LDB2: variants seen among roughly 807,000 people sequenced by gnomAD.
LDB2 encodes LIM domain-binding protein 2.
In LDB2, 12 loss-of-function variants were observed where a neutral mutation model predicts 44.3. That is an observed-to-expected ratio of 0.27 (90% CI 0.17 to 0.44). The LOEUF (loss-of-function observed/expected upper bound fraction) is 0.44. LDB2 is among the 20% of genes least tolerant of loss of function. The pLI is 1.00. For synonymous variants in LDB2, 164 were observed against 174.8 expected (o/e 0.94, Z 0.49); for missense variants, 344 against 473.5 (o/e 0.73, Z 2.54).
At chr4:16,805,196 T>C (rs891273804) in intron 1 of LDB2, among the ~76,000 whole-genome samples, 4 of 152,098 alleles carry the variant, frequency 2.6e-5, no homozygotes, top group African/African-American at 9.7e-5. Flanking sequence ...CCTAATTACC[T>C]CCCAGAGTCC....
chr4:16,825,264 T>C (rs933686936), intron 1 of LDB2, among the ~76,000 whole-genome samples: 15 of 152,192 alleles, frequency 9.9e-5, no homozygotes, highest in African/African-American at 3.6e-4. Context: ...TCTAAATCTA[T>C]AGGCCATTTA....
chr4:16,505,746 G>A, intron 7 of LDB2: 1 of 1,314,226 alleles, frequency 7.6e-7, no homozygotes, highest in East Asian at 2.6e-5. Context: ...TCCCCACAAG[G>A]CCAACTTCTG....
At chr4:16,825,250 T>C (rs371260843) in intron 1 of LDB2, among the ~76,000 whole-genome samples, 6 of 152,304 alleles carry the variant, frequency 3.9e-5, no homozygotes, top group African/African-American at 1.4e-4. Flanking sequence ...GAATCCTCAG[T>C]GTGTCTAAAT....
chr4:16,719,291 A>G (rs1757729070), intron 2 of LDB2, among the ~76,000 whole-genome samples: 1 of 152,120 alleles, frequency 6.6e-6, no homozygotes, highest in South Asian at 2.1e-4. Flanking sequence ...ATAACCAACT[A>G]TAGAGAGATT....
At chr4:16,727,745 C>A (rs1282726638) in intron 2 of LDB2, among the ~76,000 whole-genome samples, 1 of 152,160 alleles carries the variant, frequency 6.6e-6, no homozygotes, top group Non-Finnish European at 1.5e-5. Context: ...ACCATTAAAA[C>A]CTCTAATTTC....
In LDB2 at chr4:16,680,378, G is replaced by C. The variant is rs184296328; in HGVS notation, c.235+78780C>G. On this transcript the variant is annotated intron_variant, in intron 2 of 7. Transcript: ENST00000304523. ...CACCATCTGCTTCAGCCTGCTCTTT[G>C]TTTTACCAACTGCATCTCAAGACCA... 3.1e-3 allele frequency among the ~76,000 whole-genome samples: 474 copies of C among 152,262 alleles called. 3 individuals are homozygous for C. Among genetic ancestry groups the C allele is most frequent in the African/African-American group, 0.011 (454 of 41,554 alleles).
At chr4:16,558,604 G>A (rs930484136) in intron 5 of LDB2, among the ~76,000 whole-genome samples, 10 of 152,298 alleles carry the variant, frequency 6.6e-5, no homozygotes, top group South Asian at 2.1e-4. Flanking sequence ...TGAAAGTGAC[G>A]GGGAGAATGG....
chr4:16,805,525 C>T (rs1347393703), intron 1 of LDB2, among the ~76,000 whole-genome samples: 2 of 152,130 alleles, frequency 1.3e-5, no homozygotes, highest in African/African-American at 2.4e-5. Flanking sequence ...AATGCACAGG[C>T]TCATGGTCCA....
chr4:16,652,033 C>T (rs1738427209), intron 2 of LDB2, among the ~76,000 whole-genome samples: 1 of 152,116 alleles, frequency 6.6e-6, no homozygotes, highest in African/African-American at 2.4e-5. Context: ...GCACTGTAAC[C>T]TGGAACCCTT....
chr4:16,838,021 A>T (rs980909788), intron 1 of LDB2, among the ~76,000 whole-genome samples: 2 of 152,186 alleles, frequency 1.3e-5, no homozygotes, highest in African/African-American at 4.8e-5. Context: ...CATCTCACAC[A>T]GTTTGAATAC....
At chr4:16,690,341 T>C (rs1280419464) in intron 2 of LDB2, among the ~76,000 whole-genome samples, 1 of 151,376 alleles carries the variant, frequency 6.6e-6, no homozygotes, top group East Asian at 1.9e-4. Context: ...TGCACACTTA[T>C]AATCCAGCTA....
At chr4:16,644,653 C>T (rs531798049) in intron 2 of LDB2, among the ~76,000 whole-genome samples, 1 of 152,172 alleles carries the variant, frequency 6.6e-6, no homozygotes, top group South Asian at 2.1e-4. Context: ...TAGTCTTGAG[C>T]TTCTGACCTC....
At chr4:16,773,514 C>A (rs1384073090) in intron 1 of LDB2, among the ~76,000 whole-genome samples, 1 of 152,108 alleles carries the variant, frequency 6.6e-6, no homozygotes, top group Non-Finnish European at 1.5e-5. Flanking sequence ...CCCTCGCATG[C>A]ACAGTTCACA....
At chr4:16,784,245 G>A (rs560663665) in intron 1 of LDB2, among the ~76,000 whole-genome samples, 17 of 152,232 alleles carry the variant, frequency 1.1e-4, no homozygotes, top group East Asian at 5.8e-4. Flanking sequence ...ACATCCATGC[G>A]GAGCTTGTCA....
At chr4:16,868,531 G>A (rs1228821681) in intron 1 of LDB2, among the ~76,000 whole-genome samples, 2 of 152,158 alleles carry the variant, frequency 1.3e-5, no homozygotes, top group Non-Finnish European at 2.9e-5. Flanking sequence ...TCAAAGTCTG[G>A]TGGCAGAATC....
intron 5 of LDB2, among the ~76,000 whole-genome samples, chr4:16,571,133 G>T (rs557663377): frequency 1.3e-5 from 2 of 152,302 alleles, no homozygotes; most frequent in South Asian, 4.2e-4. Flanking sequence ...GGTCTTGCAG[G>T]CCAAGCTAAG....
chr4:16,826,799 G>T (rs891234184), intron 1 of LDB2, among the ~76,000 whole-genome samples: 1 of 151,562 alleles, frequency 6.6e-6, no homozygotes, highest in African/African-American at 2.4e-5. Flanking sequence ...ATTTGGGAAA[G>T]GGCAGAACAA....
intron 1 of LDB2, among the ~76,000 whole-genome samples, chr4:16,866,085 A>G (rs1327933917): frequency 6.6e-6 from 1 of 152,212 alleles, no homozygotes; most frequent in East Asian, 1.9e-4. Context: ...GCCTAACAGG[A>G]TATCTACAGA....
rs749635322 is a variant in LDB2 at position 16,508,701 on chromosome 4, A to C, written c.740-15T>G. On this transcript the variant is annotated splice_polypyrimidine_tract_variant and intron_variant, in intron 6 of 7. Transcript: ENST00000304523. ...TGTGGGTTCTGCTGCAATATGGAAA[A>C]GGGAAGAGGGATCAGTTCTAGGGCA... 2 of 1,611,996 alleles carry C rather than the reference A, an allele frequency of 1.2e-6. No individual in the cohort carries two copies. Among genetic ancestry groups the C allele is most frequent in the East Asian group, 4.5e-5 (2 of 44,810 alleles).
Sources: gnomAD v4.1 joint callset for allele counts (sites outside exome capture counted in the v4.1 genomes callset) on GRCh38, gnomAD v4.1.1 for gene constraint, MANE v1.5 for transcripts, NCBI Gene and HGNC (gene_info 2026-07-23, HGNC 2026-07-21) for gene names.